Variants in TGFBRAP1 observed in about 807,000 individuals in gnomAD.
TGFBRAP1 encodes the protein transforming growth factor-beta receptor-associated protein 1.
TGFBRAP1 carries 20 observed loss-of-function variants against 83.2 expected under a neutral mutation model. The ratio of observed to expected loss-of-function variants is 0.24; its 90% confidence interval spans 0.17 to 0.35. The LOEUF (loss-of-function observed/expected upper bound fraction) is 0.35, where lower values mean the gene tolerates loss of function less well. TGFBRAP1 is among the 10% of genes least tolerant of loss of function. The probability of loss-of-function intolerance (pLI) is 1.00; values close to 1 mark genes in which losing one functional copy is unlikely to be tolerated. For missense variants in TGFBRAP1, 950 were observed against 1,099.4 expected (o/e 0.86, Z 1.92); for synonymous variants, 415 against 459.8 (o/e 0.90, Z 1.25).
At chr2:105,294,698 G>A (rs1678023944) in intron 4 of TGFBRAP1, among the ~76,000 whole-genome samples, 1 of 152,164 alleles carries the variant, frequency 6.6e-6, no homozygotes, top group African/African-American at 2.4e-5. Flanking sequence ...AAAAAACCCT[G>A]AGATACCAGA....
chr2:105,320,896 G>A (rs1679036635), intron 1 of TGFBRAP1, among the ~76,000 whole-genome samples: 1 of 152,120 alleles, frequency 6.6e-6, no homozygotes, highest in African/African-American at 2.4e-5. Context: ...AACTACAGTG[G>A]TGGGATCGAA....
intron 2 of TGFBRAP1, among the ~76,000 whole-genome samples, chr2:105,307,118 G>A (rs1221627108): frequency 6.6e-6 from 1 of 152,146 alleles, no homozygotes; most frequent in African/African-American, 2.4e-5. Flanking sequence ...CTTTAAGACA[G>A]AGGTGGGAAC....
chr2:105,262,050 T>C (rs989078557), downstream of TGFBRAP1, among the ~76,000 whole-genome samples: 2 of 152,156 alleles, frequency 1.3e-5, no homozygotes, highest in African/African-American at 4.8e-5. Flanking sequence ...CTTTTGGTAA[T>C]GAAGACTGAG....
At chr2:105,326,449 G>T (rs1249805212) in intron 1 of TGFBRAP1, among the ~76,000 whole-genome samples, 1 of 152,192 alleles carries the variant, frequency 6.6e-6, no homozygotes, top group East Asian at 1.9e-4. Context: ...CAGGAGCAGT[G>T]GCTCATGCCT....
intron 3 of TGFBRAP1, among the ~76,000 whole-genome samples, chr2:105,298,170 A>G (rs1452249429): frequency 6.6e-6 from 1 of 152,132 alleles, no homozygotes; most frequent in Non-Finnish European, 1.5e-5. Context: ...AGGTTCTTAC[A>G]CACAACATCT....
intron 1 of TGFBRAP1, among the ~76,000 whole-genome samples, chr2:105,315,469 A>C (rs1678825883): frequency 6.6e-6 from 1 of 152,246 alleles, no homozygotes; most frequent in South Asian, 2.1e-4. Flanking sequence ...TAATGCATAT[A>C]TCTGGCAAAC....
In TGFBRAP1 at chr2:105,290,615, CAGTG is replaced by C. The variant is rs1235095217; in HGVS notation, c.1038+5737_1038+5740del. 4.2e-3 allele frequency among the ~76,000 whole-genome samples: 435 copies of C among 103,862 alleles called. 2 individuals carry two copies. Among genetic ancestry groups the C allele is most frequent in the African/African-American group, 0.013 (358 of 28,086 alleles). The allele number at this position is 103,862 out of a possible 152,430, so 68.1% of individuals were successfully genotyped here. A position where few individuals can be genotyped will look rare whatever the true frequency, so the allele number is the denominator to read the frequency against. ...AGAGAGAAAGAGAGAAACAGAGAGA[CAGTG>C]TGTGTGTGTGTGTGTGTGTGTGTGT... On this transcript the variant is annotated intron_variant, in intron 4 of 11. Coordinates refer to ENST00000393359, the MANE Select transcript of TGFBRAP1 (RefSeq NM_004257.6).
In TGFBRAP1 at chr2:105,307,956, T is replaced by C. The variant is rs781524457; in HGVS notation, c.346A>G (p.Ile116Val). The C allele has an allele frequency of 3.7e-6, 6 of 1,614,232 alleles. No individual in the cohort carries two copies. The highest frequency in any genetic ancestry group is 5.1e-6 in the Non-Finnish European group (6 of 1,180,046). ...AGTGCAAACGTGGCTGCCCCCTTGA[T>C]GCGGGCCCCCGAAGGCACTGGCTCG... ...NLEPVPSGAR[I>V]KGAATFALNE... The change falls in exon 2 of 12, where the codon ATC (isoleucine) becomes GTC (valine). Residue 116 changes from isoleucine (I) to valine (V), a missense_variant. Transcript: ENST00000393359.
chr2:105,274,383 C>G (rs944288217), intron 8 of TGFBRAP1, among the ~76,000 whole-genome samples: 2 of 152,238 alleles, frequency 1.3e-5, no homozygotes, highest in African/African-American at 4.8e-5. Context: ...CACCTCCCCC[C>G]TCCAAGGCCA....
chr2:105,318,557 A>G (rs527702803), intron 1 of TGFBRAP1, among the ~76,000 whole-genome samples: 2 of 152,362 alleles, frequency 1.3e-5, no homozygotes, highest in African/African-American at 4.8e-5. Flanking sequence ...TAAACCTGGT[A>G]GAATTCACAA....
intron 1 of TGFBRAP1, among the ~76,000 whole-genome samples, chr2:105,318,123 A>G (rs1573220076): frequency 6.6e-6 from 1 of 152,186 alleles, no homozygotes; most frequent in East Asian, 1.9e-4. Context: ...CATCTGCCTT[A>G]CTGAGTCTGT....
chr2:105,294,618 G>A (rs1319252176), intron 4 of TGFBRAP1, among the ~76,000 whole-genome samples: 1 of 152,118 alleles, frequency 6.6e-6, no homozygotes, highest in Admixed American at 6.5e-5. Flanking sequence ...GTATTTCCAG[G>A]GCTGGAGATA....
chr2:105,315,258 G>A (rs990626644), intron 1 of TGFBRAP1, among the ~76,000 whole-genome samples: 1 of 152,074 alleles, frequency 6.6e-6, no homozygotes, highest in Non-Finnish European at 1.5e-5. Context: ...CATCTTAGAA[G>A]GCTTTTCTGC....
chr2:105,270,727 T>A (rs568695588), intron 10 of TGFBRAP1, among the ~76,000 whole-genome samples: 1 of 152,318 alleles, frequency 6.6e-6, no homozygotes, highest in South Asian at 2.1e-4. Flanking sequence ...GAAGCCACAA[T>A]ACGCAACGCC....
At chr2:105,309,703 C>T (rs991599352) in intron 1 of TGFBRAP1, among the ~76,000 whole-genome samples, 2 of 152,180 alleles carry the variant, frequency 1.3e-5, no homozygotes, top group African/African-American at 4.8e-5. Context: ...GGAGGCTTGT[C>T]TGTAGACACA....
chr2:105,267,202 GTACATTCATAGAGCCTGGTC>G lies in TGFBRAP1; in HGVS notation c.*161_*180del. On this transcript the variant is annotated 3_prime_UTR_variant, in exon 12 of 12. Coordinates refer to ENST00000393359, the MANE Select transcript of TGFBRAP1 (RefSeq NM_004257.6). ...CATTCATAGAGCCTGGTCATTCCATGTACATTCATAGAGCCTGGTCAGCAGCGAGGAGTCCTTGTTGCGTA... is the reference window on the plus strand; with the variant it reads ...CATTCATAGAGCCTGGTCATTCCATGAGCAGCGAGGAGTCCTTGTTGCGTA... The G allele has an allele frequency of 4.0e-6, 1 of 253,078 alleles. No individual in the cohort carries two copies. Among genetic ancestry groups the G allele is most frequent in the Admixed American group, 7.7e-5 (1 of 12,948 alleles). The allele number at this position is 253,078 out of a possible 1,614,324, so 15.7% of individuals were successfully genotyped here.
chr2:105,298,368 C>A, intron 3 of TGFBRAP1, 143 bp downstream of exon 3: 3 of 787,912 alleles, frequency 3.8e-6, no homozygotes, highest in Non-Finnish European at 5.7e-6. Flanking sequence ...AACTGTGCAG[C>A]CCCTGAAGCA....
chr2:105,321,394 C>T (rs1679061772), intron 1 of TGFBRAP1, among the ~76,000 whole-genome samples: 1 of 152,122 alleles, frequency 6.6e-6, no homozygotes, highest in Admixed American at 6.5e-5. Context: ...TCTCGAACTC[C>T]TGACCTCAGG....
Position 105,328,782 on chromosome 2 carries a change from C to G in TGFBRAP1, c.-18+843G>C, listed in dbSNP as rs1320766745. 2.0e-5 allele frequency among the ~76,000 whole-genome samples: 3 copies of G among 152,332 alleles called. No individual in the cohort carries two copies. In the South Asian group the frequency reaches 6.2e-4, roughly 32 times the overall value. On this transcript the variant is annotated intron_variant, in intron 1 of 11. Coordinates refer to ENST00000393359, the MANE Select transcript of TGFBRAP1 (RefSeq NM_004257.6). ...GCGTGCAGTCCACGTGCAGTAAGGCCTGCTGTGTGATCTGTGAGCCCCCAT... is the reference window on the plus strand; with the variant it reads ...GCGTGCAGTCCACGTGCAGTAAGGCGTGCTGTGTGATCTGTGAGCCCCCAT...
Sources: allele counts gnomAD v4.1 joint callset (sites outside exome capture counted in the v4.1 genomes callset), GRCh38; gene constraint gnomAD v4.1.1; transcripts MANE v1.5; gene names NCBI Gene and HGNC (gene_info 2026-07-23, HGNC 2026-07-21).